C9: variants seen among roughly 807,000 people sequenced by gnomAD.
C9 encodes complement component C9.
C9 carries 63 observed loss-of-function variants against 65.4 expected under a neutral mutation model. The observed-to-expected ratio is 0.96, with a 90% confidence interval of 0.79 to 1.19. The LOEUF (loss-of-function observed/expected upper bound fraction) is 1.19, where lower values mean the gene tolerates loss of function less well. Ranked by LOEUF, C9 falls within the 50% of genes most tolerant of loss-of-function variation. The pLI is 0.00. For missense variants in C9, 744 were observed against 670.1 expected (o/e 1.11, Z -1.22); for synonymous variants, 229 against 227.9 (o/e 1.00, Z -0.04).
intron 4 of C9, among the ~76,000 whole-genome samples, chr5:39,339,805 A>G (rs1384197046): frequency 6.6e-5 from 10 of 151,418 alleles, no homozygotes; most frequent in Non-Finnish European, 1.0e-4. Context: ...GACTACAGGC[A>G]CCCACCACCA....
At chr5:39,347,575 C>A (rs1053144799) in intron 1 of C9, among the ~76,000 whole-genome samples, 1 of 152,084 alleles carries the variant, frequency 6.6e-6, no homozygotes, top group Non-Finnish European at 1.5e-5. Context: ...GAATCAATAT[C>A]GTGAAAATGG....
chr5:39,328,765 A>C (rs1302320855), intron 5 of C9, among the ~76,000 whole-genome samples: 2 of 152,296 alleles, frequency 1.3e-5, no homozygotes, highest in East Asian at 1.9e-4. Flanking sequence ...CAACTGTGAT[A>C]AGATGAGAGG....
rs1165790465 is a variant in C9, at chr5:39,288,856, T to A, written c.1512A>T (p.Glu504Asp). 6.2e-7 allele frequency: 1 copy of A among 1,610,668 alleles called. No individual in the cohort carries two copies. The highest frequency in any genetic ancestry group is 1.7e-5 in the Admixed American group (1 of 59,846). ...LERAIEDYIN[E>D]FSVRKCHTCQ... ...ATGTGTGGCATTTTCTTACACTAAA[T>A]TCATTGATATAGTCTTCAATGGCTC... is the stretch of plus-strand genomic sequence containing the variant. The change falls in exon 10 of 11, where the codon GAA becomes GAT. Residue 504 changes from glutamate to aspartate, a missense_variant. Coordinates refer to ENST00000263408, the MANE Select transcript of C9 (RefSeq NM_001737.5).
At chr5:39,301,821 G>A (rs1753289300) in intron 9 of C9, among the ~76,000 whole-genome samples, 1 of 152,054 alleles carries the variant, frequency 6.6e-6, no homozygotes, top group Admixed American at 6.6e-5. Context: ...CAGCATAACT[G>A]TTCACCAGTG....
chr5:39,341,087 G>A, intron 4 of C9, 59 bp downstream of exon 4: 2 of 1,557,514 alleles, frequency 1.3e-6, no homozygotes, highest in Non-Finnish European at 1.8e-6. Context: ...ATCACAATGA[G>A]AGAGATGGAG....
intron 6 of C9, among the ~76,000 whole-genome samples, chr5:39,314,055 A>G (rs1041544033): frequency 6.6e-6 from 1 of 152,138 alleles, no homozygotes; most frequent in South Asian, 2.1e-4. Context: ...AATTTTTAGC[A>G]AGACTCCTTG....
chr5:39,358,523 G>A (rs1754448220), intron 1 of C9, among the ~76,000 whole-genome samples: 1 of 152,174 alleles, frequency 6.6e-6, no homozygotes, highest in Non-Finnish European at 1.5e-5. Context: ...TTGGAGAGCA[G>A]AAGTAACACA....
rs151150070 is a variant in C9, at chr5:39,318,665, C to T, written c.616-2636G>A. Reference sequence around the variant, plus strand: ...CAGAAATCTTCTGAATTAGGTATAACTCTTGTCTGGGAAGGGGACACCTGT... The same window carrying T: ...CAGAAATCTTCTGAATTAGGTATAATTCTTGTCTGGGAAGGGGACACCTGT... On this transcript the variant is annotated intron_variant, in intron 5 of 10. Transcript: ENST00000263408. 5.8e-3 allele frequency among the ~76,000 whole-genome samples: 882 copies of T among 151,668 alleles called. 3 individuals are homozygous for T. Among genetic ancestry groups the T allele is most frequent in the Non-Finnish European group, 9.2e-3 (627 of 67,950 alleles).
chr5:39,354,545 C>T (rs561508721), intron 1 of C9, among the ~76,000 whole-genome samples: 1 of 152,250 alleles, frequency 6.6e-6, no homozygotes, highest in Non-Finnish European at 1.5e-5. Flanking sequence ...TGTAGGAGTA[C>T]TCATTATATC....
chr5:39,361,317 T>C (rs1754514781), intron 1 of C9, among the ~76,000 whole-genome samples: 1 of 152,208 alleles, frequency 6.6e-6, no homozygotes, highest in African/African-American at 2.4e-5. Flanking sequence ...TTTTAAACTC[T>C]TTATATATAC....
At chr5:39,327,959 G>A (rs1753779590) in intron 5 of C9, among the ~76,000 whole-genome samples, 1 of 152,196 alleles carries the variant, frequency 6.6e-6, no homozygotes, top group African/African-American at 2.4e-5. Context: ...TGTTGAGATA[G>A]CAAGTGTAGA....
chr5:39,325,532 T>C (rs1331600085), intron 5 of C9, among the ~76,000 whole-genome samples: 1 of 152,170 alleles, frequency 6.6e-6, no homozygotes, highest in Non-Finnish European at 1.5e-5. Flanking sequence ...CCTAGCACTT[T>C]GGGAGGCCGA....
Position 39,292,377 on chromosome 5 carries a change from T to C in C9, c.1417-3426A>G, listed in dbSNP as rs146012620. Reference sequence around the variant, plus strand: ...AAAAAATCCACACAAACTGTAAACATAGAATTTTATACCTAATGAAATGTC... The same window carrying C: ...AAAAAATCCACACAAACTGTAAACACAGAATTTTATACCTAATGAAATGTC... On this transcript the variant is annotated intron_variant, in intron 9 of 10. Coordinates refer to ENST00000263408, the MANE Select transcript of C9 (RefSeq NM_001737.5). 4.7e-3 allele frequency among the ~76,000 whole-genome samples: 720 copies of C among 151,652 alleles called. 4 individuals carry two copies. Among genetic ancestry groups the C allele is most frequent in the Non-Finnish European group, 7.6e-3 (517 of 67,840 alleles).
chr5:39,354,039 C>G (rs1425179593), intron 1 of C9, among the ~76,000 whole-genome samples: 1 of 152,096 alleles, frequency 6.6e-6, no homozygotes, highest in African/African-American at 2.4e-5. Flanking sequence ...TTTTTGTAAG[C>G]CTGGCCCTTG....
intron 1 of C9, among the ~76,000 whole-genome samples, chr5:39,347,597 A>G (rs1754230152): frequency 6.6e-6 from 1 of 152,188 alleles, no homozygotes; most frequent in East Asian, 1.9e-4. Flanking sequence ...CGTACTGCCC[A>G]AGGTAATTTA....
At chr5:39,341,768 T>C in intron 2 of C9, 68 bp from the exon 3 acceptor site, 3 of 1,384,906 alleles carry the variant, frequency 2.2e-6, no homozygotes, top group South Asian at 1.2e-5. Context: ...TAAAGGTGCA[T>C]CCATACAACT....
At chr5:39,351,037 G>A (rs770705451) in intron 1 of C9, among the ~76,000 whole-genome samples, 12 of 152,182 alleles carry the variant, frequency 7.9e-5, no homozygotes, top group Non-Finnish European at 1.8e-4. Context: ...TCTAGGTTGA[G>A]GTCCCCAACC....
intron 1 of C9, among the ~76,000 whole-genome samples, chr5:39,349,834 C>G (rs1273864153): frequency 6.6e-6 from 1 of 152,194 alleles, no homozygotes; most frequent in Non-Finnish European, 1.5e-5. Context: ...GGTACTCCTA[C>G]TCTTTTATGC....
intron 4 of C9, among the ~76,000 whole-genome samples, chr5:39,337,412 T>G (rs1034740109): frequency 1.1e-4 from 17 of 152,340 alleles, no homozygotes; most frequent in Admixed American, 1.1e-3. Context: ...TGGACTTGGT[T>G]CCACTACTAC....
Sources: gnomAD v4.1 joint callset for allele counts (sites outside exome capture counted in the v4.1 genomes callset) on GRCh38, gnomAD v4.1.1 for gene constraint, MANE v1.5 for transcripts, NCBI Gene and HGNC (gene_info 2026-07-23, HGNC 2026-07-21) for gene names.